PAICS: variants seen among roughly 807,000 people sequenced by gnomAD.
PAICS encodes the protein phosphoribosylaminoimidazole carboxylase and phosphoribosylaminoimidazolesuccinocarboxamide synthase.
Under a neutral mutation model 53.7 loss-of-function variants are expected in PAICS, and 33 were observed. The ratio of observed to expected loss-of-function variants is 0.61; its 90% confidence interval spans 0.47 to 0.82. The LOEUF (loss-of-function observed/expected upper bound fraction) is 0.82, where lower values mean the gene tolerates loss of function less well. Among genes scored for constraint, PAICS ranks in the 40% least tolerant of loss-of-function variants. The pLI is 0.00. For synonymous variants in PAICS, 141 were observed against 167.2 expected (o/e 0.84, Z 1.21); for missense variants, 394 against 494.1 (o/e 0.80, Z 1.92).
At chr4:56,439,005 T>C (rs1164918191) in intron 1 of PAICS, among the ~76,000 whole-genome samples, 1 of 152,160 alleles carries the variant, frequency 6.6e-6, no homozygotes, top group Non-Finnish European at 1.5e-5. Context: ...CTTTCCAGAA[T>C]TCATCTACAA....
intron 2 of PAICS, among the ~76,000 whole-genome samples, chr4:56,445,139 T>C (rs927193627): frequency 2.0e-4 from 31 of 152,322 alleles, no homozygotes; most frequent in Non-Finnish European, 2.4e-4. Flanking sequence ...TTTTTTTCAT[T>C]TGAGTCTTAC....
rs199953702 is a variant in PAICS at position 56,446,863 on chromosome 4, T to C, written c.383T>C (p.Leu128Ser). The C allele has an allele frequency of 1.5e-4, 241 of 1,601,794 alleles. 1 individual carries two copies. In the African/African-American group the frequency reaches 3.1e-3, roughly 21 times the overall value. ...GYKFYPPKVE[L>S]FFKDDANNDP... is the part of the protein sequence containing the mutation. ...AAGTTTTACCCACCTAAAGTGGAGT[T>C]GTTTTTCAAGGTAATTATCTTATGC... The change falls in exon 3 of 9, where the codon TTG becomes TCG. Residue 128 changes from leucine (L) to serine (S), a missense_variant. By Grantham distance (145) the Leu-to-Ser change is moderately radical (BLOSUM62 -2). Coordinates refer to ENST00000512576, the MANE Select transcript of PAICS (RefSeq NM_001079524.2).
At chr4:56,441,894 T>A (rs1242632315) in intron 2 of PAICS, 34 bp downstream of exon 2, 1 of 1,404,098 alleles carries the variant, frequency 7.1e-7, no homozygotes, top group Non-Finnish European at 9.8e-7. Flanking sequence ...TTCTCTCACC[T>A]TCTCTGGTAA....
intron 2 of PAICS, among the ~76,000 whole-genome samples, chr4:56,443,433 C>T (rs894421172): frequency 3.9e-5 from 6 of 152,190 alleles, no homozygotes; most frequent in Non-Finnish European, 7.3e-5. Flanking sequence ...AGTGATCCAC[C>T]CGCATTGGCC....
At chr4:56,432,702 G>A (rs984646656), upstream of PAICS, among the ~76,000 whole-genome samples, 4 of 150,648 alleles carry the variant, frequency 2.7e-5, no homozygotes, top group African/African-American at 9.8e-5. Context: ...GGAGAATGGC[G>A]TGAACCCGGG....
chr4:56,459,599 AAATC>A lies in PAICS; in HGVS notation c.*64_*67del, dbSNP rs1317646645. On this transcript the variant is annotated 3_prime_UTR_variant, in exon 9 of 9. Transcript: ENST00000512576. Reference sequence around the variant, plus strand: ...ACAAATTTCTAATTTAGCTGAAGGAAAATCAAGCAAGATGAAAAGGTAATTTTAA... The same window carrying A: ...ACAAATTTCTAATTTAGCTGAAGGAAAAGCAAGATGAAAAGGTAATTTTAA... 4.8e-6 allele frequency: 6 copies of A among 1,247,770 alleles called. No homozygotes were observed. The highest frequency in any genetic ancestry group is 6.7e-6 in the Non-Finnish European group (6 of 893,818). 77.3% of individuals were successfully genotyped at this position (1,247,770 alleles called of 1,614,324 possible). A position where few individuals can be genotyped will look rare whatever the true frequency, so the allele number is the denominator to read the frequency against.
chr4:56,410,978 A>ACAAAAGAAAAGTACTCTTGTTTTTCTTTT, the PAICS span: 1 of 926,228 alleles, frequency 1.1e-6, no homozygotes, highest in Non-Finnish European at 1.3e-6. Flanking sequence ...GAACTGTAAA[A>ACAAAAGAAAAGTACTCTTGTTTTTCTTTT]GTTCAGGACT....
chr4:56,413,374 C>A, the PAICS span, among the ~76,000 whole-genome samples: 3 of 152,160 alleles, frequency 2.0e-5, no homozygotes, highest in East Asian at 5.8e-4. Context: ...AGGCTGGTCT[C>A]GAAGTCCTGT....
At chr4:56,458,082 C>T (rs1196683449) in intron 8 of PAICS, among the ~76,000 whole-genome samples, 1 of 152,092 alleles carries the variant, frequency 6.6e-6, no homozygotes. Flanking sequence ...ATGGAGCTTA[C>T]AAAAGGGGAG....
In PAICS at chr4:56,461,248, G is replaced by A. The variant is rs1719503302; in HGVS notation, c.*1710G>A. 3 of 152,184 alleles carry A rather than the reference G, an allele frequency of 2.0e-5. No homozygotes were observed. In the South Asian group the frequency reaches 6.2e-4, roughly 32 times the overall value. The allele number at this position is 152,184 out of a possible 1,614,324, so 9.4% of individuals were successfully genotyped here. A position where few individuals can be genotyped will look rare whatever the true frequency, so the allele number is the denominator to read the frequency against. On this transcript the variant is annotated 3_prime_UTR_variant, in exon 9 of 9. Transcript: ENST00000512576. ...CCCTCACACTGTGTTATGCTCTGATGTGCTATGCTTAGCTATCTGTCAGAG... is the reference window on the plus strand; with the variant it reads ...CCCTCACACTGTGTTATGCTCTGATATGCTATGCTTAGCTATCTGTCAGAG...
chr4:56,418,343 A>G, the PAICS span, among the ~76,000 whole-genome samples: 10 of 152,090 alleles, frequency 6.6e-5, no homozygotes, highest in Admixed American at 5.2e-4. Context: ...ATTTTGAGAC[A>G]GGGTCTCACT....
chr4:56,452,213 C>G (rs910046999), intron 7 of PAICS, among the ~76,000 whole-genome samples, 161 bp downstream of exon 7: 1 of 152,142 alleles, frequency 6.6e-6, no homozygotes, highest in Non-Finnish European at 1.5e-5. Flanking sequence ...GAGTCTCACT[C>G]TGTCGCCCAG....
the PAICS span, chr4:56,419,679 G>C: frequency 1.0e-6 from 1 of 983,928 alleles, no homozygotes; most frequent in Middle Eastern, 5.2e-4. Context: ...AGCAAATGAA[G>C]GAGGAAAGCA....
chr4:56,417,615 TA>T, the PAICS span, among the ~76,000 whole-genome samples: 2 of 151,918 alleles, frequency 1.3e-5, no homozygotes, highest in South Asian at 2.1e-4. Flanking sequence ...ACCCCATGCC[TA>T]AAAAAATTAT....
rs1238406116 is a variant in PAICS at position 56,441,860 on chromosome 4, G to A, written c.214G>A (p.Gly72Ser). ...SCIFQLLQEA[G>S]IKTAFTRKCG... Reference sequence around the variant, plus strand: ...TATTTTTCAGTTATTACAGGAAGCAGGTAAGCAGCTCCCTCAAAGTCTCTT... The same window carrying A: ...TATTTTTCAGTTATTACAGGAAGCAAGTAAGCAGCTCCCTCAAAGTCTCTT... Residue 72 changes from glycine (G) to serine (S), a missense_variant and splice_region_variant, in exon 2 of 9, where the codon GGT becomes AGT. Physicochemically the swap from Gly to Ser is moderately conservative, Grantham distance 56 (BLOSUM62 0). Coordinates refer to ENST00000512576, the MANE Select transcript of PAICS (RefSeq NM_001079524.2). The A allele has an allele frequency of 9.5e-6, 15 of 1,585,486 alleles. No individual in the cohort carries two copies. Among genetic ancestry groups the A allele is most frequent in the Non-Finnish European group, 1.3e-5 (15 of 1,164,346 alleles).
At chr4:56,431,451 C>T, upstream of PAICS, 1 of 976,584 alleles carries the variant, frequency 1.0e-6, no homozygotes, top group Non-Finnish European at 1.2e-6. Flanking sequence ...AAGAAAAGTG[C>T]TCCTGAGATC....
At chr4:56,440,369 C>T (rs1718273858) in intron 1 of PAICS, among the ~76,000 whole-genome samples, 1 of 152,198 alleles carries the variant, frequency 6.6e-6, no homozygotes, top group South Asian at 2.1e-4. Flanking sequence ...AGGTGCCCTA[C>T]AGTGGCAACT....
At chr4:56,434,641 T>C (rs1170593207), upstream of PAICS, among the ~76,000 whole-genome samples, 1 of 152,230 alleles carries the variant, frequency 6.6e-6, no homozygotes, top group African/African-American at 2.4e-5. Context: ...GAGTTAATTT[T>C]TGTCATGTTA....
chr4:56,459,112 G>T (rs954554841), intron 8 of PAICS, among the ~76,000 whole-genome samples: 1 of 152,172 alleles, frequency 6.6e-6, no homozygotes, highest in Non-Finnish European at 1.5e-5. Context: ...TTCTTTGTAA[G>T]TGAGTTCTAT....
Sources: gnomAD v4.1 joint callset for allele counts (sites outside exome capture counted in the v4.1 genomes callset) on GRCh38, gnomAD v4.1.1 for gene constraint, MANE v1.5 for transcripts, NCBI Gene and HGNC (gene_info 2026-07-23, HGNC 2026-07-21) for gene names.